SLFNL1: variants seen among roughly 807,000 people sequenced by gnomAD.
SLFNL1 encodes schlafen-like protein 1.
Under a neutral mutation model 32.5 loss-of-function variants are expected in SLFNL1, and 26 were observed. That is an observed-to-expected ratio of 0.80 (90% CI 0.59 to 1.11). The LOEUF is 1.11. SLFNL1 is among the 50% of genes least tolerant of loss of function. The pLI, the probability that SLFNL1 is intolerant of heterozygous loss-of-function variation, is 0.00. For missense variants in SLFNL1, 553 were observed against 546.5 expected, an observed-to-expected ratio of 1.01 and a Z score of -0.12; for synonymous variants, 255 against 242.2, an observed-to-expected ratio of 1.05 and a Z score of -0.49.
intron 3 of SLFNL1, 54 bp downstream of exon 3, chr1:41,020,172 A>C (rs1023038211): frequency 7.9e-6 from 12 of 1,515,400 alleles, no homozygotes; most frequent in Non-Finnish European, 1.1e-5. Flanking sequence ...TCCCACTCAG[A>C]GGCTCTCCCT....
chr1:41,017,726 A>G lies in SLFNL1; in HGVS notation c.866T>C (p.Leu289Pro). ...AAAGATCTGAGGCTTGAAGCCCTGCAGGATGGAGTCCACCAGCAGGCGTGC... is the reference window on the plus strand; with the variant it reads ...AAAGATCTGAGGCTTGAAGCCCTGCGGGATGGAGTCCACCAGCAGGCGTGC... Reference protein sequence around the residue: ...DRARLLVDSILQGFKPQIFPD... With the variant: ...DRARLLVDSIPQGFKPQIFPD... The change falls in exon 4 of 6, where the codon CTG becomes CCG. Residue 289 changes from leucine to proline, a missense_variant. Coordinates refer to ENST00000302946, the MANE Select transcript of SLFNL1 (RefSeq NM_144990.4). This position sits in a 1 kb window ranked among gnomAD's most constrained non-coding sequence, Gnocchi z 4.9. 1.2e-6 allele frequency: 2 copies of G among 1,603,834 alleles called. No homozygotes were observed. The highest frequency in any genetic ancestry group is 1.7e-6 in the Non-Finnish European group (2 of 1,173,580).
rs762830136 is a variant in SLFNL1 at position 41,017,719 on chromosome 1, G to T, written c.873C>A (p.Gly291=). 18 of 1,600,128 alleles carry T rather than the reference G, an allele frequency of 1.1e-5. No individual in the cohort carries two copies. The highest frequency in any genetic ancestry group is 1.7e-4 in the Middle Eastern group (1 of 6,016). Residue 291 remains glycine (G), a synonymous_variant, in exon 4 of 6, where the codon GGC becomes GGA. Coordinates refer to ENST00000302946, the MANE Select transcript of SLFNL1 (RefSeq NM_144990.4). The surrounding 1 kb of genome is among the most constrained non-coding windows in gnomAD (Gnocchi z 4.9). ...CATCGGGAAAGATCTGAGGCTTGAA[G>T]CCCTGCAGGATGGAGTCCACCAGCA... ...ARLLVDSILQ[G]FKPQIFPDAY...
Position 41,020,330 on chromosome 1 carries a change from G to C in SLFNL1, c.331C>G (p.Arg111Gly). 1 of 1,613,614 alleles carries C rather than the reference G, an allele frequency of 6.2e-7. No homozygotes were observed. Among genetic ancestry groups the C allele is most frequent in the Non-Finnish European group, 8.5e-7 (1 of 1,180,016 alleles). ...HRDTLASLPW[R>G]LQTALEEHLI... ...TGCTCCTCCAGGGCCGTCTGCAGGC[G>C]CCAGGGGAGGGAGGCCAGGGTGTCC... Residue 111 changes from arginine to glycine, a missense_variant, in exon 3 of 6, where the codon CGC (arginine) becomes GGC (glycine). By Grantham distance (125) the Arg-to-Gly change is moderately radical (BLOSUM62 -2). Transcript: ENST00000302946.
At position 41,020,669 on chromosome 1, in the gene SLFNL1, T is replaced by C; in HGVS notation, c.-9A>G. On this transcript the variant is annotated 5_prime_UTR_variant, in exon 3 of 6. Coordinates refer to ENST00000302946, the MANE Select transcript of SLFNL1 (RefSeq NM_144990.4). The stretch of plus-strand genomic sequence containing the variant: ...CTCTTCATGGGGGTCATGGGAAGGC[T>C]CTCCCTGGGAAGGGGTTCCAGGATT... 1.9e-6 allele frequency: 3 copies of C among 1,600,710 alleles called. No individual in the cohort carries two copies. The highest frequency in any genetic ancestry group is 2.6e-6 in the Non-Finnish European group (3 of 1,170,442).
chr1:41,018,713 C>G (rs12033917), intron 3 of SLFNL1, among the ~76,000 whole-genome samples: 2 of 151,990 alleles, frequency 1.3e-5, no homozygotes, highest in Non-Finnish European at 2.9e-5. Flanking sequence ...GGTTTGGGCT[C>G]TGCTCGAGGG....
chr1:41,020,505 G>T lies in SLFNL1; in HGVS notation c.156C>A (p.Gly52=). ...GCACTGAGAACTGGGGGTTCAGATG[G>T]CCCACATAGAGAGTGTGCGCCGAGG... The part of the protein sequence containing the change: ...EAPSAHTLYV[G]HLNPQFSVPV... Residue 52 remains glycine, a synonymous_variant, in exon 3 of 6, where the codon GGC becomes GGA. Coordinates refer to ENST00000302946, the MANE Select transcript of SLFNL1 (RefSeq NM_144990.4). 1.9e-6 allele frequency: 3 copies of T among 1,613,468 alleles called. No homozygotes were observed. The highest frequency in any genetic ancestry group is 2.5e-6 in the Non-Finnish European group (3 of 1,180,030).
In SLFNL1 at chr1:41,017,663, C is replaced by G. The variant is rs759216038; in HGVS notation, c.929G>C (p.Ser310Thr). The change falls in exon 4 of 6, where the codon AGT becomes ACT. Residue 310 changes from serine to threonine, a missense_variant. Physicochemically the swap from Ser to Thr is moderately conservative, Grantham distance 58 (BLOSUM62 1). Coordinates refer to ENST00000302946, the MANE Select transcript of SLFNL1 (RefSeq NM_144990.4). The surrounding 1 kb of genome is among the most constrained non-coding windows in gnomAD (Gnocchi z 4.9). ...GAGGGGGACGCTGGTCTCCGAGGTACTGATCACAGGGATGAAGGTGAGAGT... is the reference window on the plus strand; with the variant it reads ...GAGGGGGACGCTGGTCTCCGAGGTAGTGATCACAGGGATGAAGGTGAGAGT... ...AYTLTFIPVI[S>T]TSETSVPLKV... 4 of 1,547,490 alleles carry G rather than the reference C, an allele frequency of 2.6e-6. No individual in the cohort carries two copies. The highest frequency in any genetic ancestry group is 3.5e-6 in the Non-Finnish European group (4 of 1,143,408).
At position 41,017,450 on chromosome 1, in the gene SLFNL1, C is replaced by T. The variant is rs1303876091; in HGVS notation, c.958-73G>A. ...GCAGCCCCCATCCTGCCAGGCTGCT[C>T]AGCATTGCTCACTGATTCCTTAGGG... On this transcript the variant is annotated intron_variant, in intron 4 of 5. Coordinates refer to ENST00000302946, the MANE Select transcript of SLFNL1 (RefSeq NM_144990.4). The surrounding 1 kb of genome is among the most constrained non-coding windows in gnomAD (Gnocchi z 4.9). 2.8e-5 allele frequency: 44 copies of T among 1,555,290 alleles called. No individual in the cohort carries two copies. Among genetic ancestry groups the T allele is most frequent in the Non-Finnish European group, 3.7e-5 (43 of 1,152,376 alleles).
At chr1:41,018,479 T>G (rs12736566) in intron 3 of SLFNL1, 5,404 of 269,092 alleles carry the variant, frequency 0.02, 78 homozygotes, top group Non-Finnish European at 0.027. Flanking sequence ...TGTGGGCCCA[T>G]TTTTTCTTAC....
chr1:41,020,278 C>A lies in SLFNL1; in HGVS notation c.383G>T (p.Arg128Leu), dbSNP rs1337950101. 1 of 1,612,274 alleles carries A rather than the reference C, an allele frequency of 6.2e-7. No individual in the cohort carries two copies. Among genetic ancestry groups the A allele is most frequent in the Non-Finnish European group, 8.5e-7 (1 of 1,179,172 alleles). Residue 128 changes from arginine (R) to leucine (L), a missense_variant, in exon 3 of 6, where the codon CGT becomes CTT. Transcript: ENST00000302946. ...EHLILKELAARGKDLLLSEAQ... is the reference protein window; with the variant it reads ...EHLILKELAALGKDLLLSEAQ... Reference sequence around the variant, plus strand: ...CTCACTCAATAGCAGGTCCTTCCCACGGGCTGCCAGCTCCTTGAGGATTAG... The same window carrying A: ...CTCACTCAATAGCAGGTCCTTCCCAAGGGCTGCCAGCTCCTTGAGGATTAG...
At position 41,015,984 on chromosome 1, in the gene SLFNL1, G is replaced by A. The variant is rs1376826140; in HGVS notation, c.*122C>T. On this transcript the variant is annotated 3_prime_UTR_variant, in exon 6 of 6. Coordinates refer to ENST00000302946, the MANE Select transcript of SLFNL1 (RefSeq NM_144990.4). The stretch of plus-strand genomic sequence containing the variant: ...GTGCCTGCTCATGTGCCATGTTGAA[G>A]GAGTCCCTGTCCGCCTCTCAGCAGC... 5 of 1,346,798 alleles carry A rather than the reference G, an allele frequency of 3.7e-6. No homozygotes were observed. The highest frequency in any genetic ancestry group is 5.0e-6 in the Non-Finnish European group (5 of 997,376). The allele number at this position is 1,346,798 out of a possible 1,614,324, so 83.4% of individuals were successfully genotyped here. A position where few individuals can be genotyped will look rare whatever the true frequency, so the allele number is the denominator to read the frequency against.
At chr1:41,018,947 C>A (rs1643604096) in intron 3 of SLFNL1, among the ~76,000 whole-genome samples, 1 of 145,622 alleles carries the variant, frequency 6.9e-6, no homozygotes, top group African/African-American at 2.5e-5. Flanking sequence ...TCAAGCCATT[C>A]TCCTGCCTCA....
At position 41,018,027 on chromosome 1, in the gene SLFNL1, G is replaced by C; in HGVS notation, c.565C>G (p.Gln189Glu). 6.3e-7 allele frequency: 1 copy of C among 1,599,632 alleles called. No homozygotes were observed. Among genetic ancestry groups the C allele is most frequent in the South Asian group, 1.1e-5 (1 of 89,444 alleles). The change falls in exon 4 of 6, where the codon CAG (glutamine) becomes GAG (glutamate). Residue 189 changes from glutamine to glutamate, a missense_variant. Gln to Glu is a conservative substitution (Grantham distance 29). Transcript: ENST00000302946. ...GAGCACACGCCGCTGGGCCGGCCCT[G>C]GCAGCTCTGCAGCTGCTGGGCCTGG... ...RPQAQQLQSC[Q>E]GRPSGVCSDS...
rs142813113 is a variant in SLFNL1 at position 41,017,243 on chromosome 1, C to T, written c.1092G>A (p.Trp364Ter). The stretch of plus-strand genomic sequence containing the variant: ...GCCTCAGCTTCCGTACCTGCCTGCA[C>T]CACTCCTGGATGGCGCTGGCAGACA... ...GPLSASAIQE[W>*]CRQRWLVELG... The change falls in exon 5 of 6, where the codon TGG (tryptophan) becomes TGA (stop). Residue 364 changes from tryptophan (W) to a stop codon, truncating the protein, a stop_gained. Transcript: ENST00000302946. LOFTEE classifies it high-confidence loss of function. This position sits in a 1 kb window ranked among gnomAD's most constrained non-coding sequence, Gnocchi z 4.9. 1.3e-6 allele frequency: 2 copies of T among 1,579,328 alleles called. No individual in the cohort carries two copies. Among genetic ancestry groups the T allele is most frequent in the African/African-American group, 1.3e-5 (1 of 74,178 alleles).
chr1:41,019,349 C>T (rs1461349008), intron 3 of SLFNL1, among the ~76,000 whole-genome samples: 4 of 152,178 alleles, frequency 2.6e-5, no homozygotes, highest in Non-Finnish European at 4.4e-5. Context: ...ACAGTTTAAA[C>T]ACCATCATTT....
At chr1:41,019,870 C>T (rs543491659) in intron 3 of SLFNL1, among the ~76,000 whole-genome samples, 1 of 152,172 alleles carries the variant, frequency 6.6e-6, no homozygotes, top group Non-Finnish European at 1.5e-5. Flanking sequence ...AGGGGGTGTT[C>T]ATGTTTGTCA....
Position 41,017,133 on chromosome 1 carries a change from C to A in SLFNL1, c.1101+101G>T. Reference sequence around the variant, plus strand: ...TGGGTTCAACGGGGTGATGCAGGACCCAGGGAACCATGGTGGCTTGCCCTG... The same window carrying A: ...TGGGTTCAACGGGGTGATGCAGGACACAGGGAACCATGGTGGCTTGCCCTG... On this transcript the variant is annotated intron_variant, in intron 5 of 5. Coordinates refer to ENST00000302946, the MANE Select transcript of SLFNL1 (RefSeq NM_144990.4). The surrounding 1 kb of genome is among the most constrained non-coding windows in gnomAD (Gnocchi z 4.9). 7.2e-7 allele frequency: 1 copy of A among 1,398,310 alleles called. No individual in the cohort carries two copies. The highest frequency in any genetic ancestry group is 9.5e-7 in the Non-Finnish European group (1 of 1,057,960). The allele number at this position is 1,398,310 out of a possible 1,614,324, so 86.6% of individuals were successfully genotyped here.
At chr1:41,019,775 G>A (rs1643681249) in intron 3 of SLFNL1, among the ~76,000 whole-genome samples, 1 of 152,214 alleles carries the variant, frequency 6.6e-6, no homozygotes, top group Non-Finnish European at 1.5e-5. Context: ...GCAGCTCGGT[G>A]GGTGGCTGTC....
chr1:41,018,289 A>C, intron 3 of SLFNL1, 133 bp from the exon 4 acceptor site: 1 of 930,748 alleles, frequency 1.1e-6, no homozygotes, highest in Non-Finnish European at 1.5e-6. Flanking sequence ...GATGCCCCTC[A>C]CCAGGCCGAG....
Sources: gnomAD v4.1 joint callset for allele counts (sites outside exome capture counted in the v4.1 genomes callset) on GRCh38, gnomAD v4.1.1 for gene constraint, Gnocchi (gnomAD v3.1) non-coding constraint, MANE v1.5 for transcripts, NCBI Gene and HGNC (gene_info 2026-07-23, HGNC 2026-07-21) for gene names.